Variants in WLS observed in about 807,000 individuals in gnomAD.
WLS encodes Wnt ligand secretion mediator.
In WLS, 23 loss-of-function variants were observed where a neutral mutation model predicts 62.8. That is an observed-to-expected ratio of 0.37 (90% CI 0.26 to 0.52). The LOEUF (loss-of-function observed/expected upper bound fraction) is 0.52, where lower values mean the gene tolerates loss of function less well. Among genes scored for constraint, WLS ranks in the 20% least tolerant of loss-of-function variants. The pLI is 0.92. For missense variants in WLS, 615 were observed against 697.3 expected, an observed-to-expected ratio of 0.88 and a Z score of 1.33; for synonymous variants, 246 against 244.1, an observed-to-expected ratio of 1.01 and a Z score of -0.07.
chr1:68,159,330 G>A, intron 2 of WLS, 83 bp from the exon 3 acceptor site: 1 of 1,524,966 alleles, frequency 6.6e-7, no homozygotes. Flanking sequence ...TATAGGCTTT[G>A]ACTTGGAAAC....
At chr1:68,125,347 G>A (rs1646412922), downstream of WLS, 1 of 985,384 alleles carries the variant, frequency 1.0e-6, no homozygotes, top group Non-Finnish European at 1.2e-6. Context: ...AAAATAATCT[G>A]CACGCATGTG....
chr1:68,182,157 T>C (rs2100570456), intron 2 of WLS, among the ~76,000 whole-genome samples: 1 of 152,322 alleles, frequency 6.6e-6, no homozygotes, highest in East Asian at 1.9e-4. Context: ...AAACTATAGA[T>C]ACTAATTTTA....
intron 2 of WLS, among the ~76,000 whole-genome samples, chr1:68,170,167 T>TCTTTTC (rs200999155): frequency 2.4e-4 from 31 of 129,606 alleles, no homozygotes; most frequent in Admixed American, 3.1e-4. Context: ...TTTCTTTTTT[T>TCTTTTC]TTTTTTTTTT....
intron 2 of WLS, among the ~76,000 whole-genome samples, chr1:68,174,058 C>T (rs1265128852): frequency 1.3e-5 from 2 of 152,190 alleles, no homozygotes; most frequent in Non-Finnish European, 2.9e-5. Flanking sequence ...TGTTTTCCTC[C>T]TCAGTCTGCC....
intron 7 of WLS, 144 bp downstream of exon 7, chr1:68,148,419 T>A (rs1646780861): frequency 1.1e-6 from 1 of 935,252 alleles, no homozygotes; most frequent in African/African-American, 1.6e-5. Context: ...ATCCCAGACC[T>A]TGTCTGAGGA....
At chr1:68,189,948 G>A (rs946045617) in intron 2 of WLS, among the ~76,000 whole-genome samples, 4 of 152,204 alleles carry the variant, frequency 2.6e-5, no homozygotes, top group African/African-American at 9.7e-5. Flanking sequence ...GGCAGAGATT[G>A]CCGTGAACCA....
intron 11 of WLS, among the ~76,000 whole-genome samples, chr1:68,104,458 A>G (rs1348376476): frequency 1.3e-5 from 2 of 152,144 alleles, no homozygotes; most frequent in African/African-American, 4.8e-5. Flanking sequence ...GAGCTCTACA[A>G]TCAGTGAAAA....
chr1:68,164,362 A>T (rs1647030910), intron 2 of WLS, among the ~76,000 whole-genome samples: 1 of 151,876 alleles, frequency 6.6e-6, no homozygotes, highest in Non-Finnish European at 1.5e-5. Context: ...GGGTTCAAGC[A>T]ATTCTCCTGC....
intron 10 of WLS, among the ~76,000 whole-genome samples, chr1:68,139,723 G>T (rs1330640104): frequency 6.6e-6 from 1 of 152,244 alleles, no homozygotes; most frequent in Non-Finnish European, 1.5e-5. Flanking sequence ...ACCAACCTAT[G>T]TGCCTTGCAC....
intron 2 of WLS, among the ~76,000 whole-genome samples, chr1:68,182,307 G>A (rs1647629126): frequency 2.0e-5 from 3 of 152,190 alleles, no homozygotes; most frequent in Non-Finnish European, 1.5e-5. Context: ...TGTTGTCCAA[G>A]TAATGTGCTT....
chr1:68,162,599 T>C (rs1570924263), intron 2 of WLS: 2 of 1,400,350 alleles, frequency 1.4e-6, no homozygotes, highest in Non-Finnish European at 2.0e-6. Flanking sequence ...TTCTGCTCCA[T>C]GCTCTGAACC....
intron 2 of WLS, among the ~76,000 whole-genome samples, chr1:68,169,659 T>C (rs1647117136): frequency 6.6e-6 from 1 of 152,222 alleles, no homozygotes; most frequent in African/African-American, 2.4e-5. Flanking sequence ...ATATGCCGCT[T>C]GTTCAGGCCA....
At chr1:68,167,862 G>A (rs1647084152) in intron 2 of WLS, among the ~76,000 whole-genome samples, 2 of 152,086 alleles carry the variant, frequency 1.3e-5, no homozygotes, top group South Asian at 2.1e-4. Flanking sequence ...CCTGTTATGG[G>A]GGCAGTTTCC....
intron 1 of WLS, among the ~76,000 whole-genome samples, chr1:68,218,995 A>T (rs1042062551): frequency 3.3e-5 from 5 of 152,224 alleles, no homozygotes; most frequent in African/African-American, 1.2e-4. Flanking sequence ...AAATTAAGCA[A>T]ACTATGTGGC....
intron 11 of WLS, 73 bp downstream of exon 11, chr1:68,137,707 A>T: frequency 1.3e-6 from 2 of 1,510,772 alleles, no homozygotes; most frequent in Non-Finnish European, 1.8e-6. Flanking sequence ...TCAGAGCTTT[A>T]GCCATTTAAA....
intron 3 of WLS, among the ~76,000 whole-genome samples, chr1:68,158,328 C>CA (rs1646925502): frequency 6.6e-6 from 1 of 152,088 alleles, no homozygotes; most frequent in African/African-American, 2.4e-5. Context: ...CCTAGTGTTT[C>CA]AAAAAACACT....
chr1:68,163,138 C>G, intron 2 of WLS: 1 of 1,323,458 alleles, frequency 7.6e-7, no homozygotes, highest in South Asian at 1.3e-5. Context: ...AAGCAGTCCT[C>G]TAAGAACTTA....
chr1:68,193,433 A>C (rs1648468852), intron 2 of WLS, among the ~76,000 whole-genome samples: 2 of 141,608 alleles, frequency 1.4e-5, no homozygotes, highest in Admixed American at 1.4e-4. Flanking sequence ...AAAAAAAAAA[A>C]AAAAAAAAAC....
chr1:68,107,090 G>T (rs1279108422), intron 11 of WLS, among the ~76,000 whole-genome samples: 1 of 151,942 alleles, frequency 6.6e-6, no homozygotes, highest in Non-Finnish European at 1.5e-5. Flanking sequence ...TTAATATGTT[G>T]GTATCGATTA....
Sources: allele counts gnomAD v4.1 joint callset (sites outside exome capture counted in the v4.1 genomes callset), GRCh38; gene constraint gnomAD v4.1.1; transcripts MANE v1.5; gene names NCBI Gene and HGNC (gene_info 2026-07-23, HGNC 2026-07-21).